PJA2: variants seen among roughly 807,000 people sequenced by gnomAD.
PJA2 encodes E3 ubiquitin-protein ligase Praja-2.
PJA2 carries 25 observed loss-of-function variants against 69.3 expected under a neutral mutation model. The ratio of observed to expected loss-of-function variants is 0.36; its 90% confidence interval spans 0.26 to 0.50. The LOEUF (loss-of-function observed/expected upper bound fraction) is 0.50, where lower values mean the gene tolerates loss of function less well. Ranked by LOEUF, PJA2 falls within the 20% of genes least tolerant of loss-of-function variation. The pLI is 0.96. For missense variants in PJA2, 809 were observed against 830.2 expected (o/e 0.97, Z 0.31); for synonymous variants, 308 against 277.8 (o/e 1.11, Z -1.08).
At chr5:109,358,594 G>A (rs150111979) in intron 6 of PJA2, among the ~76,000 whole-genome samples, 5,525 of 152,196 alleles carry the variant, frequency 0.036, 137 homozygotes, top group Middle Eastern at 0.1. Context: ...CGAGGTGGGC[G>A]GATCACTTTG....
chr5:109,371,932 T>C (rs1331928898), intron 4 of PJA2, among the ~76,000 whole-genome samples: 2 of 152,234 alleles, frequency 1.3e-5, no homozygotes, highest in Admixed American at 6.5e-5. Flanking sequence ...CAGTATTTAA[T>C]AGTTCACTGG....
At chr5:109,337,734 T>C (rs546397883) in intron 9 of PJA2, among the ~76,000 whole-genome samples, 9 of 152,194 alleles carry the variant, frequency 5.9e-5, no homozygotes, top group African/African-American at 2.2e-4. Context: ...ATCTGAATTA[T>C]CATTATTTAG....
intron 1 of PJA2, among the ~76,000 whole-genome samples, chr5:109,387,811 T>C (rs963719838): frequency 3.3e-5 from 3 of 91,816 alleles, no homozygotes; most frequent in Non-Finnish European, 6.5e-5. Context: ...AGTAAACTAG[T>C]GAATTTAAAG....
intron 1 of PJA2, among the ~76,000 whole-genome samples, 173 bp from the exon 2 acceptor site, chr5:109,383,693 A>C (rs1490401771): frequency 6.6e-6 from 1 of 152,232 alleles, no homozygotes; most frequent in East Asian, 1.9e-4. Flanking sequence ...GCACTTTGGC[A>C]GGCCAAGGCG....
chr5:109,375,901 G>C lies in PJA2; in HGVS notation c.1283+2303C>G, dbSNP rs147049231. Among the ~76,000 whole-genome samples the C allele has an allele frequency of 4.6e-5, 7 of 152,306 alleles. No individual in the cohort carries two copies. The East Asian group carries it at 1.3e-3, about 29-fold the overall frequency. ...TAATCCTTTGCAGGGAATTAGGGTA[G>C]AGGAACAGGACACAGCAGCATAGAA... is the stretch of plus-strand genomic sequence containing the variant. On this transcript the variant is annotated intron_variant, in intron 4 of 9. Coordinates refer to ENST00000361189, the MANE Select transcript of PJA2 (RefSeq NM_014819.5).
intron 1 of PJA2, among the ~76,000 whole-genome samples, chr5:109,406,040 A>AT (rs35924063): frequency 0.038 from 3,897 of 103,440 alleles, 113 homozygotes; most frequent in Non-Finnish European, 0.054. Context: ...AGACAAACCC[A>AT]TTTTTTTTTT....
chr5:109,359,204 C>T (rs111284434), intron 6 of PJA2, among the ~76,000 whole-genome samples: 2,972 of 152,220 alleles, frequency 0.02, 88 homozygotes, highest in African/African-American at 0.069. Context: ...TTTTCTCCAG[C>T]TTGCTTTGTT....
intron 7 of PJA2, among the ~76,000 whole-genome samples, chr5:109,347,975 A>G (rs1032279077): frequency 9.2e-5 from 14 of 152,218 alleles, no homozygotes. Flanking sequence ...AGAACTGGCA[A>G]GAAAAGGATT....
At chr5:109,396,289 T>A (rs1747406538) in intron 1 of PJA2, among the ~76,000 whole-genome samples, 1 of 152,014 alleles carries the variant, frequency 6.6e-6, no homozygotes, top group South Asian at 2.1e-4. Flanking sequence ...AAACCAAAAA[T>A]GGAAAATAAT....
At chr5:109,349,729 A>G (rs1448469572) in intron 7 of PJA2, among the ~76,000 whole-genome samples, 2 of 152,138 alleles carry the variant, frequency 1.3e-5, no homozygotes, top group South Asian at 4.1e-4. Flanking sequence ...GGGTTGTCCT[A>G]GCTTTGCCAG....
intron 9 of PJA2, among the ~76,000 whole-genome samples, chr5:109,340,440 GT>G (rs1762021547): frequency 6.6e-6 from 1 of 151,682 alleles, no homozygotes; most frequent in South Asian, 2.1e-4. Context: ...AAAAGCACTG[GT>G]TTATAGGGAA....
intron 7 of PJA2, among the ~76,000 whole-genome samples, chr5:109,351,736 A>G (rs986325207): frequency 6.6e-6 from 1 of 152,120 alleles, no homozygotes; most frequent in Non-Finnish European, 1.5e-5. Flanking sequence ...AACAATGACC[A>G]ATCTAGTATT....
At chr5:109,397,722 CTA>C in intron 1 of PJA2, among the ~76,000 whole-genome samples, 1 of 152,002 alleles carries the variant, frequency 6.6e-6, no homozygotes, top group African/African-American at 2.4e-5. Flanking sequence ...CAGGGTTTCA[CTA>C]TGTTGGCCAG....
At chr5:109,398,365 T>G (rs1284470329) in intron 1 of PJA2, among the ~76,000 whole-genome samples, 2 of 152,040 alleles carry the variant, frequency 1.3e-5, no homozygotes, top group Admixed American at 1.3e-4. Context: ...AGCATAGACT[T>G]GGAACCAACC....
In PJA2 at chr5:109,378,506, C is replaced by T; in HGVS notation, c.981G>A (p.Val327=). Residue 327 remains valine, a synonymous_variant, in exon 4 of 10, where the codon GTG becomes GTA. Coordinates refer to ENST00000361189, the MANE Select transcript of PJA2 (RefSeq NM_014819.5). Reference sequence around the variant, plus strand: ...GCCTATTAAAACCTGTTTCTTGGTCCACCTGGCTTGAACTTATCAGTTTTC... The same window carrying T: ...GCCTATTAAAACCTGTTTCTTGGTCTACCTGGCTTGAACTTATCAGTTTTC... ...KVRKLISSSQ[V]DQETGFNRHE... 6.2e-7 allele frequency: 1 copy of T among 1,614,112 alleles called. No homozygotes were observed. The highest frequency in any genetic ancestry group is 8.5e-7 in the Non-Finnish European group (1 of 1,180,024).
rs778482412 is a variant in PJA2 at position 109,379,096 on chromosome 5, T to G, written c.391A>C (p.Thr131Pro). 6.2e-7 allele frequency: 1 copy of G among 1,614,130 alleles called. No individual in the cohort carries two copies. The highest frequency in any genetic ancestry group is 1.1e-5 in the South Asian group (1 of 91,068). Residue 131 changes from threonine (T) to proline (P), a missense_variant, in exon 4 of 10, where the codon ACC becomes CCC. Thr to Pro is a conservative substitution (Grantham distance 38, BLOSUM62 -1). Transcript: ENST00000361189. ...TGAAGATTTGTACTGCTTCCTAAGG[T>G]ATCCCTGCCTTCCTCACTGTGATGT... ...AVHHSEEGRD[T>P]LGSSTNLHNH...
chr5:109,395,786 G>A (rs976312486), intron 1 of PJA2, among the ~76,000 whole-genome samples: 15 of 151,906 alleles, frequency 9.9e-5, no homozygotes, highest in African/African-American at 3.6e-4. Flanking sequence ...ATCACATGAG[G>A]TCAGGAGTTC....
At chr5:109,367,166 C>A (rs952001889) in intron 5 of PJA2, among the ~76,000 whole-genome samples, 4 of 143,838 alleles carry the variant, frequency 2.8e-5, no homozygotes, top group East Asian at 2.0e-4. Flanking sequence ...ATATATATAT[C>A]TATGATGTAT....
rs1223676555 is a variant in PJA2 at position 109,358,213 on chromosome 5, C to T, written c.1653-2187G>A. Among the ~76,000 whole-genome samples the T allele has an allele frequency of 3.3e-5, 5 of 152,196 alleles. No homozygotes were observed. In the South Asian group the frequency reaches 6.2e-4, roughly 19 times the overall value. ...GGAATGAGGGCAAGGAACACCTGGC[C>T]CGCCCAGGGAGGGAAACCGCTTAAA... On this transcript the variant is annotated intron_variant, in intron 6 of 9. Coordinates refer to ENST00000361189, the MANE Select transcript of PJA2 (RefSeq NM_014819.5).
Sources: gnomAD v4.1 joint callset for allele counts (sites outside exome capture counted in the v4.1 genomes callset) on GRCh38, gnomAD v4.1.1 for gene constraint, MANE v1.5 for transcripts, NCBI Gene and HGNC (gene_info 2026-07-23, HGNC 2026-07-21) for gene names.